TCEAL4: variants seen among roughly 807,000 people sequenced by gnomAD.
The protein encoded by TCEAL4 is transcription elongation factor A like 4.
In TCEAL4, 1 loss-of-function variant was observed where a neutral mutation model predicts 1.3. That is an observed-to-expected ratio of 0.79 (90% CI 0.28 to 3.76). The LOEUF is 3.76. Among genes scored for constraint, TCEAL4 ranks in the 30% most tolerant of loss-of-function variants. TCEAL4 has a pLI of 0.18. For missense variants in TCEAL4, 129 were observed against 154.7 expected (o/e 0.83, Z 0.88); for synonymous variants, 54 against 50.7 (o/e 1.06, Z -0.28).
chrX:103,577,958 G>T (rs2073491798), intron 2 of TCEAL4, among the ~76,000 whole-genome samples: 1 of 111,556 alleles, frequency 9.0e-6, no homozygotes, highest in African/African-American at 3.3e-5. Flanking sequence ...ACCTCAAAAA[G>T]AAATCTCATG....
At chrX:103,576,973 T>C in intron 1 of TCEAL4, 1 of 869,867 alleles carries the variant, frequency 1.1e-6, no homozygotes. Flanking sequence ...ACATGGCAGC[T>C]GCTTCTCCAA....
intron 2 of TCEAL4, among the ~76,000 whole-genome samples, chrX:103,578,060 A>G (rs1430946638): frequency 8.9e-6 from 1 of 112,014 alleles, no homozygotes; most frequent in African/African-American, 3.2e-5. Context: ...GGATATACCA[A>G]TTCTAAATGT....
At chrX:103,580,734 T>C (rs1001919202), upstream of TCEAL4, among the ~76,000 whole-genome samples, 4 of 111,693 alleles carry the variant, frequency 3.6e-5, no homozygotes, top group Non-Finnish European at 5.6e-5. Context: ...AAATTTGAAA[T>C]ATAAGACTAC....
chrX:103,586,932 G>A lies in TCEAL4; in HGVS notation c.257G>A (p.Gly86Glu). ...AGGGAGGGAGAGTCAGAGATGGAGGGAGGATCAGAGAGAGAGGGAAAACCA... is the reference window on the plus strand; with the variant it reads ...AGGGAGGGAGAGTCAGAGATGGAGGAAGGATCAGAGAGAGAGGGAAAACCA... ...SEREGESEME[G>E]GSEREGKPEI... The change falls in exon 3 of 3, where the codon GGA (glycine) becomes GAA (glutamate). Residue 86 changes from glycine to glutamate, a missense_variant. By Grantham distance (98) the Gly-to-Glu change is moderately conservative (BLOSUM62 -2). Transcript: ENST00000472484. The A allele has an allele frequency of 2.5e-6, 3 of 1,206,009 alleles. No homozygotes were observed. Among genetic ancestry groups the A allele is most frequent in the Non-Finnish European group, 3.4e-6 (3 of 892,538 alleles).
At chrX:103,583,451 T>C (rs2073517221), upstream of TCEAL4, among the ~76,000 whole-genome samples, 1 of 112,078 alleles carries the variant, frequency 8.9e-6, no homozygotes, top group African/African-American at 3.2e-5. Flanking sequence ...AGCAAAGATA[T>C]GGAATCAACT....
upstream of TCEAL4, among the ~76,000 whole-genome samples, chrX:103,581,494 TA>T (rs1468929362): frequency 9.0e-6 from 1 of 111,471 alleles, no homozygotes; most frequent in East Asian, 2.8e-4. Flanking sequence ...AAATCCTCTA[TA>T]AAATACTGGC....
At chrX:103,579,750 G>A (rs1030108095) in intron 2 of TCEAL4, among the ~76,000 whole-genome samples, 1 of 111,861 alleles carries the variant, frequency 8.9e-6, no homozygotes, top group African/African-American at 3.2e-5. Context: ...CAACCCGGAT[G>A]CCTTTTATTT....
At chrX:103,584,168 T>C (rs983388632), upstream of TCEAL4, among the ~76,000 whole-genome samples, 1 of 111,043 alleles carries the variant, frequency 9.0e-6, no homozygotes, top group Non-Finnish European at 1.9e-5. Flanking sequence ...CCTCAGGTGA[T>C]CCACCCGCCT....
chrX:103,581,117 C>T (rs1210545154), upstream of TCEAL4, among the ~76,000 whole-genome samples: 1 of 111,787 alleles, frequency 8.9e-6, no homozygotes, highest in Non-Finnish European at 1.9e-5. Flanking sequence ...TGCACATAAA[C>T]TGGAAAACCT....
chrX:103,580,991 C>T (rs187460486), upstream of TCEAL4, among the ~76,000 whole-genome samples: 1 of 110,874 alleles, frequency 9.0e-6, no homozygotes, highest in African/African-American at 3.3e-5. Flanking sequence ...GACTGCTAGC[C>T]AGACTAATGA....
At chrX:103,585,883 T>C in intron 1 of TCEAL4, 1 of 1,049,928 alleles carries the variant, frequency 9.5e-7, no homozygotes, top group Non-Finnish European at 1.2e-6. Flanking sequence ...CTGCCCTCCG[T>C]CCATTTTGGA....
Position 103,586,254 on chromosome X carries a change from C to T in TCEAL4, c.-65C>T. ...CTGTTGTTCCCAGCGCTCTGCGAAGCCTGAAAAGGAGGAGCAACCTGTCCA... is the reference window on the plus strand; with the variant it reads ...CTGTTGTTCCCAGCGCTCTGCGAAGTCTGAAAAGGAGGAGCAACCTGTCCA... On this transcript the variant is annotated 5_prime_UTR_variant, in exon 2 of 3. Coordinates refer to ENST00000472484, the MANE Select transcript of TCEAL4 (RefSeq NM_001006935.3). 1 of 1,166,552 alleles carries T rather than the reference C, an allele frequency of 8.6e-7. No individual in the cohort carries two copies. The highest frequency in any genetic ancestry group is 1.1e-6 in the Non-Finnish European group (1 of 873,001).
chrX:103,579,098 T>A (rs2073496250), intron 2 of TCEAL4, among the ~76,000 whole-genome samples: 1 of 112,438 alleles, frequency 8.9e-6, no homozygotes. Context: ...GACTATTCTT[T>A]CATAGTTGAA....
upstream of TCEAL4, among the ~76,000 whole-genome samples, chrX:103,581,636 A>C (rs1466430190): frequency 8.9e-6 from 1 of 112,081 alleles, no homozygotes; most frequent in African/African-American, 3.2e-5. Flanking sequence ...CACTAAAGAC[A>C]AAAACCACAT....
rs765937908 is a variant in TCEAL4, at chrX:103,586,903, A to G, written c.228A>G (p.Ser76=). 2 of 1,199,355 alleles carry G rather than the reference A, an allele frequency of 1.7e-6. No homozygotes were observed. Among genetic ancestry groups the G allele is most frequent in the Non-Finnish European group, 2.2e-6 (2 of 889,159 alleles). ...ESEGEAKEGK[S]EREGESEMEG... is the part of the protein sequence containing the mutation. Reference sequence around the variant, plus strand: ...AGGGAGAGGCAAAAGAAGGAAAGTCAGAGAGGGAGGGAGAGTCAGAGATGG... The same window carrying G: ...AGGGAGAGGCAAAAGAAGGAAAGTCGGAGAGGGAGGGAGAGTCAGAGATGG... The change falls in exon 3 of 3, where the codon TCA becomes TCG. Residue 76 remains serine, a synonymous_variant. Coordinates refer to ENST00000472484, the MANE Select transcript of TCEAL4 (RefSeq NM_001006935.3).
intron 1 of TCEAL4, chrX:103,585,837 A>G: frequency 9.6e-7 from 1 of 1,046,122 alleles, no homozygotes; most frequent in Non-Finnish European, 1.3e-6. Flanking sequence ...AGCACCCCCA[A>G]GTATCCATGC....
upstream of TCEAL4, among the ~76,000 whole-genome samples, chrX:103,584,439 G>A (rs1569390064): frequency 1.8e-5 from 2 of 111,691 alleles, no homozygotes; most frequent in Non-Finnish European, 3.8e-5. Context: ...CATAGAATAC[G>A]ATAGGCTATA....
At chrX:103,584,537 A>C (rs745983628), upstream of TCEAL4, among the ~76,000 whole-genome samples, 3 of 112,179 alleles carry the variant, frequency 2.7e-5, no homozygotes, top group Non-Finnish European at 1.9e-5. Context: ...AAATTGCCTG[A>C]TGCATTTCTC....
intron 1 of TCEAL4, chrX:103,585,955 C>G (rs2073540893): frequency 3.7e-6 from 4 of 1,075,934 alleles, no homozygotes; most frequent in Middle Eastern, 3.7e-4. Flanking sequence ...CCCCATCTGC[C>G]GTTCCCGTGC....
Sources: gnomAD v4.1 joint callset for allele counts (sites outside exome capture counted in the v4.1 genomes callset) on GRCh38, gnomAD v4.1.1 for gene constraint, MANE v1.5 for transcripts, NCBI Gene and HGNC (gene_info 2026-07-23, HGNC 2026-07-21) for gene names.